PCDHGA6: variants seen among roughly 807,000 people sequenced by gnomAD.
The protein encoded by PCDHGA6 is protocadherin gamma subfamily A, 6.
A neutral mutation model predicts 60.6 loss-of-function variants in PCDHGA6; 41 were observed. That is an observed-to-expected ratio of 0.68 (90% confidence interval 0.53 to 0.88). PCDHGA6 has a LOEUF of 0.88. Ranked by LOEUF, PCDHGA6 falls within the 40% of genes least tolerant of loss-of-function variation. PCDHGA6 has a pLI of 0.00. For missense variants in PCDHGA6, 1,312 were observed against 1,203.0 expected, an observed-to-expected ratio of 1.09 and a Z score of -1.34; for synonymous variants, 594 against 524.4, an observed-to-expected ratio of 1.13 and a Z score of -1.81.
At position 141,477,748 on chromosome 5, in the gene PCDHGA6, C is replaced by T; in HGVS notation, c.2425-17059C>T. ...CAGCTCATATCAGCGATGGGGGCAC[C>T]CCGGTCCTAGCCACCAACATCAGCG... On this transcript the variant is annotated intron_variant, in intron 1 of 3. Transcript: ENST00000517434. The surrounding 1 kb of genome is among the most constrained non-coding windows in gnomAD (Gnocchi z 4.9). 6.2e-7 allele frequency: 1 copy of T among 1,613,872 alleles called. No homozygotes were observed. The highest frequency in any genetic ancestry group is 1.1e-5 in the South Asian group (1 of 91,080).
At chr5:141,452,742 G>C (rs779371001) in intron 1 of PCDHGA6, among the ~76,000 whole-genome samples, 7 of 152,010 alleles carry the variant, frequency 4.6e-5, no homozygotes, top group Non-Finnish European at 8.8e-5. Context: ...GGAAGAGAGA[G>C]AAGGAAGAAG....
chr5:141,384,601 C>G lies in PCDHGA6; in HGVS notation c.2424+8094C>G, dbSNP rs1780261198. On this transcript the variant is annotated intron_variant, in intron 1 of 3. Coordinates refer to ENST00000517434, the MANE Select transcript of PCDHGA6 (RefSeq NM_018919.3). The stretch of plus-strand genomic sequence containing the variant: ...GCCCGAGATCCTGTACCCGGCCCTC[C>G]CCACAGATGGTTCTACTGGCATGGA... The G allele has an allele frequency of 2.5e-6, 4 of 1,614,240 alleles. No homozygotes were observed. The East Asian group carries it at 8.9e-5, about 36-fold the overall frequency.
At chr5:141,435,215 C>G (rs4912753) in intron 1 of PCDHGA6, among the ~76,000 whole-genome samples, 81,908 of 151,924 alleles carry the variant, frequency 0.54, 24,122 homozygotes, top group African/African-American at 0.79. Flanking sequence ...AGTGAATTTA[C>G]TTTCTTTCAA....
Position 141,477,283 on chromosome 5 carries a change from C to T in PCDHGA6, c.2425-17524C>T, listed in dbSNP as rs766672047. The T allele has an allele frequency of 9.3e-6, 15 of 1,614,076 alleles. No homozygotes were observed. The highest frequency in any genetic ancestry group is 2.7e-5 in the African/African-American group (2 of 74,924). On this transcript the variant is annotated intron_variant, in intron 1 of 3. Coordinates refer to ENST00000517434, the MANE Select transcript of PCDHGA6 (RefSeq NM_018919.3). The surrounding 1 kb of genome is among the most constrained non-coding windows in gnomAD (Gnocchi z 4.9). ...CTGGCGAGAACGGGCTGGTGACCTG[C>T]GAAGTTCCACCGGGTCTCCCTTTCA... is the stretch of plus-strand genomic sequence containing the variant.
intron 1 of PCDHGA6, chr5:141,398,760 C>T: frequency 6.2e-7 from 1 of 1,613,898 alleles, no homozygotes; most frequent in Non-Finnish European, 8.5e-7. Flanking sequence ...ATCGTTTAGT[C>T]CTGACTGCCT....
intron 1 of PCDHGA6, chr5:141,408,083 C>A: frequency 7.1e-7 from 1 of 1,414,576 alleles, no homozygotes; most frequent in Non-Finnish European, 9.3e-7. Flanking sequence ...CCCAGCACAG[C>A]GGATTGCCAG....
rs578223384 is a variant in PCDHGA6 at position 141,400,070 on chromosome 5, C to T, written c.2424+23563C>T. Reference sequence around the variant, plus strand: ...GTTGCTGTGCGTGATGGTGGACAGCCGCCACTCTCCGCCACCGCCACGCTG... The same window carrying T: ...GTTGCTGTGCGTGATGGTGGACAGCTGCCACTCTCCGCCACCGCCACGCTG... On this transcript the variant is annotated intron_variant, in intron 1 of 3. Coordinates refer to ENST00000517434, the MANE Select transcript of PCDHGA6 (RefSeq NM_018919.3). 1.2e-6 allele frequency: 2 copies of T among 1,613,922 alleles called. No individual in the cohort carries two copies. Among genetic ancestry groups the T allele is most frequent in the African/African-American group, 1.3e-5 (1 of 75,062 alleles).
chr5:141,445,302 A>C (rs2098462947), intron 1 of PCDHGA6, among the ~76,000 whole-genome samples: 1 of 152,220 alleles, frequency 6.6e-6, no homozygotes, highest in African/African-American at 2.4e-5. Flanking sequence ...CATTCTCTTC[A>C]GTTTGTAGGT....
intron 1 of PCDHGA6, chr5:141,415,888 T>C: frequency 1.1e-6 from 1 of 940,220 alleles, no homozygotes; most frequent in South Asian, 2.9e-5. Flanking sequence ...ATATTGACAA[T>C]TCCTAAGACA....
At chr5:141,433,926 A>T (rs2154556019) in intron 1 of PCDHGA6, among the ~76,000 whole-genome samples, 1 of 151,830 alleles carries the variant, frequency 6.6e-6, no homozygotes, top group African/African-American at 2.4e-5. Context: ...CCAAATGAAG[A>T]TTTTATAATT....
At chr5:141,422,907 G>A in intron 1 of PCDHGA6, 1 of 1,614,196 alleles carries the variant, frequency 6.2e-7, no homozygotes, top group Non-Finnish European at 8.5e-7. Context: ...ACGACAATGC[G>A]CCCGAGATCC....
chr5:141,431,681 G>A lies in PCDHGA6; in HGVS notation c.2424+55174G>A. The A allele has an allele frequency of 6.2e-7, 1 of 1,614,214 alleles. No homozygotes were observed. The highest frequency in any genetic ancestry group is 1.1e-5 in the South Asian group (1 of 91,086). ...GACAATATCAACAATAGGGGAGTTG[G>A]ACCACGAGGAGTCAGGATTCTACCA... On this transcript the variant is annotated intron_variant, in intron 1 of 3. Coordinates refer to ENST00000517434, the MANE Select transcript of PCDHGA6 (RefSeq NM_018919.3). This position sits in a 1 kb window ranked among gnomAD's most constrained non-coding sequence, Gnocchi z 4.8.
In PCDHGA6 at chr5:141,487,844, A is replaced by T; in HGVS notation, c.2425-6963A>T. The T allele has an allele frequency of 1.9e-6, 2 of 1,043,194 alleles. No individual in the cohort carries two copies. The highest frequency in any genetic ancestry group is 2.7e-6 in the Non-Finnish European group (2 of 730,908). The allele number at this position is 1,043,194 out of a possible 1,614,324, so 64.6% of individuals were successfully genotyped here. ...CGGGTCATGCCTATATCTGAGTAAG[A>T]AATGAAAGTAATTGGTGATCAAGAG... On this transcript the variant is annotated intron_variant, in intron 1 of 3. Transcript: ENST00000517434. This position sits in a 1 kb window ranked among gnomAD's most constrained non-coding sequence, Gnocchi z 5.0.
chr5:141,435,593 G>T (rs183768133), intron 1 of PCDHGA6, among the ~76,000 whole-genome samples: 1 of 152,112 alleles, frequency 6.6e-6, no homozygotes, highest in East Asian at 1.9e-4. Flanking sequence ...CAGTAATATC[G>T]CCTGCTTTTT....
At chr5:141,389,859 C>A (rs1228335415) in intron 1 of PCDHGA6, 1 of 1,614,076 alleles carries the variant, frequency 6.2e-7, no homozygotes, top group Non-Finnish European at 8.5e-7. Flanking sequence ...TGCCACGTTG[C>A]ACCTGGTCTT....
At position 141,477,492 on chromosome 5, in the gene PCDHGA6, A is replaced by T; in HGVS notation, c.2425-17315A>T. ...AATGACAACCCTCCACAATCTTCTC[A>T]ATCTTCCTACGACGTTTACATTGAA... On this transcript the variant is annotated intron_variant, in intron 1 of 3. Coordinates refer to ENST00000517434, the MANE Select transcript of PCDHGA6 (RefSeq NM_018919.3). The surrounding 1 kb of genome is among the most constrained non-coding windows in gnomAD (Gnocchi z 4.9). The T allele has an allele frequency of 6.2e-7, 1 of 1,613,980 alleles. No individual in the cohort carries two copies. The highest frequency in any genetic ancestry group is 8.5e-7 in the Non-Finnish European group (1 of 1,179,958).
At chr5:141,479,273 T>G (rs1723290487) in intron 1 of PCDHGA6, 1 of 152,386 alleles carries the variant, frequency 6.6e-6, no homozygotes, top group South Asian at 2.1e-4. Context: ...AGTAATAATT[T>G]ATTTCAAAAA....
chr5:141,451,908 G>C (rs899191624), intron 1 of PCDHGA6, among the ~76,000 whole-genome samples: 1 of 152,046 alleles, frequency 6.6e-6, no homozygotes, highest in Non-Finnish European at 1.5e-5. Flanking sequence ...AAGGGAGGGA[G>C]GGAGGAAGGA....
chr5:141,438,735 C>T (rs2098057719), intron 1 of PCDHGA6, among the ~76,000 whole-genome samples: 1 of 149,150 alleles, frequency 6.7e-6, no homozygotes, highest in South Asian at 2.1e-4. Context: ...GATCTCAGCT[C>T]ACTGCAACCT....
Sources: gnomAD v4.1 joint callset for allele counts (sites outside exome capture counted in the v4.1 genomes callset) on GRCh38, gnomAD v4.1.1 for gene constraint, Gnocchi (gnomAD v3.1) non-coding constraint, MANE v1.5 for transcripts, NCBI Gene and HGNC (gene_info 2026-07-23, HGNC 2026-07-21) for gene names.